The following KCNQ1 variants were observed in gnomAD, a reference collection of about 807,000 sequenced individuals.
The protein encoded by KCNQ1 is potassium voltage-gated channel subfamily Q member 1.
A neutral mutation model predicts 72.4 loss-of-function variants in KCNQ1; 49 were observed. That is an observed-to-expected ratio of 0.68 (90% CI 0.54 to 0.86). The LOEUF (loss-of-function observed/expected upper bound fraction) is 0.86, where lower values mean the gene tolerates loss of function less well. Among genes scored for constraint, KCNQ1 ranks in the 40% least tolerant of loss-of-function variants. KCNQ1 has a pLI of 0.00. For missense variants in KCNQ1, 790 were observed against 945.1 expected, an observed-to-expected ratio of 0.84 and a Z score of 2.15; for synonymous variants, 450 against 412.6, an observed-to-expected ratio of 1.09 and a Z score of -1.10.
At chr11:2,583,617 C>T in intron 7 of KCNQ1, 72 bp downstream of exon 7, 3 of 1,021,982 alleles carry the variant, frequency 2.9e-6, no homozygotes, top group Non-Finnish European at 4.7e-6. Flanking sequence ...GCACGCCCCT[C>T]CCTGTGAGCA....
Position 2,583,445 on chromosome 11 carries a change from C to A in KCNQ1, c.932C>A (p.Thr311Asn). 6.2e-7 allele frequency: 1 copy of A among 1,612,982 alleles called. No individual in the cohort carries two copies. Among genetic ancestry groups the A allele is most frequent in the Non-Finnish European group, 8.5e-7 (1 of 1,179,072 alleles). Reference protein sequence around the residue: ...DALWWGVVTVTTIGYGDKVPQ... With the variant: ...DALWWGVVTVNTIGYGDKVPQ... ...TCCCTCTCCCTGCAGGTCACAGTCACCACCATCGGCTATGGGGACAAGGTG... is the reference window on the plus strand; with the variant it reads ...TCCCTCTCCCTGCAGGTCACAGTCAACACCATCGGCTATGGGGACAAGGTG... Residue 311 changes from threonine (T) to asparagine (N), a missense_variant, in exon 7 of 16, where the codon ACC (threonine) becomes AAC (asparagine). Transcript: ENST00000155840.
In KCNQ1 at chr11:2,538,739, C is replaced by T. The variant is rs1847775730; in HGVS notation, c.477+10721C>T. Among the ~76,000 whole-genome samples, 1 of 149,936 alleles carries T rather than the reference C, an allele frequency of 6.7e-6. No individual in the cohort carries two copies. The highest frequency in any genetic ancestry group is 2.1e-4 in the South Asian group (1 of 4,754). On this transcript the variant is annotated intron_variant, in intron 2 of 15. Coordinates refer to ENST00000155840, the MANE Select transcript of KCNQ1 (RefSeq NM_000218.3). This position sits in a 1 kb window ranked among gnomAD's most constrained non-coding sequence, Gnocchi z 6.7. ...TAACAAAGGCTTCCTCTGTGCAGCC[C>T]ACACACGGGCCTCACGTTATCTTCT...
At chr11:2,630,408 G>T in intron 10 of KCNQ1, 1 of 398,184 alleles carries the variant, frequency 2.5e-6, no homozygotes, top group Non-Finnish European at 4.4e-6. Flanking sequence ...CTTAGTATGA[G>T]GGCAATGCTA....
At chr11:2,793,404 G>GAGGCC (rs1220066618) in intron 15 of KCNQ1, among the ~76,000 whole-genome samples, 22 of 103,738 alleles carry the variant, frequency 2.1e-4, no homozygotes, top group Middle Eastern at 5.0e-3. Context: ...GGGATGGCTT[G>GAGGCC]AGGCCAGGAG....
chr11:2,673,405 C>T lies in KCNQ1; in HGVS notation c.1514+11324C>T. 3 of 398,700 alleles carry T rather than the reference C, an allele frequency of 7.5e-6. No homozygotes were observed. Among genetic ancestry groups the T allele is most frequent in the Non-Finnish European group, 8.8e-6 (2 of 226,090 alleles). The allele number at this position is 398,700 out of a possible 1,614,324, so 24.7% of individuals were successfully genotyped here. On this transcript the variant is annotated intron_variant, in intron 11 of 15. Coordinates refer to ENST00000155840, the MANE Select transcript of KCNQ1 (RefSeq NM_000218.3). The surrounding 1 kb of genome is among the most constrained non-coding windows in gnomAD (Gnocchi z 4.5). ...CCTTGGCCTTTGTTTAGCCCACCTT[C>T]TGCCTAGGCACCAGGCCTGGAGGTT...
chr11:2,615,256 C>T, intron 10 of KCNQ1: 1 of 398,030 alleles, frequency 2.5e-6, no homozygotes, highest in Non-Finnish European at 4.4e-6. Flanking sequence ...TGAACATGTA[C>T]CCTGCAATTT....
intron 11 of KCNQ1, chr11:2,686,021 C>G (rs1850483547): frequency 2.5e-6 from 1 of 399,156 alleles, no homozygotes; most frequent in Non-Finnish European, 4.4e-6. Flanking sequence ...GGGGCTCACT[C>G]TAAGCCCCGC....
At chr11:2,545,491 T>C (rs1000642195) in intron 2 of KCNQ1, among the ~76,000 whole-genome samples, 1 of 152,186 alleles carries the variant, frequency 6.6e-6, no homozygotes, top group African/African-American at 2.4e-5. Flanking sequence ...TTATATTCAG[T>C]TGATTGATAA....
At position 2,479,065 on chromosome 11, in the gene KCNQ1, C is replaced by A. The variant is rs1846615493; in HGVS notation, c.386+33581C>A. On this transcript the variant is annotated intron_variant, in intron 1 of 15. Coordinates refer to ENST00000155840, the MANE Select transcript of KCNQ1 (RefSeq NM_000218.3). The surrounding 1 kb of genome is among the most constrained non-coding windows in gnomAD (Gnocchi z 4.6). ...GTCTCACATCTAGGTCATGCTGATGCAAGAGGTGGGTTCCCATAGTCTTGA... is the reference window on the plus strand; with the variant it reads ...GTCTCACATCTAGGTCATGCTGATGAAAGAGGTGGGTTCCCATAGTCTTGA... 8.0e-6 allele frequency among the ~76,000 whole-genome samples: 1 copy of A among 125,090 alleles called. No individual in the cohort carries two copies. Among genetic ancestry groups the A allele is most frequent in the South Asian group, 3.1e-4 (1 of 3,260 alleles). The allele number at this position is 125,090 out of a possible 152,430, so 82.1% of individuals were successfully genotyped here. A position where few individuals can be genotyped will look rare whatever the true frequency, so the allele number is the denominator to read the frequency against.
rs1846746942 is a variant in KCNQ1, at chr11:2,486,835, C to A, written c.387-41093C>A. 6.6e-6 allele frequency among the ~76,000 whole-genome samples: 1 copy of A among 152,142 alleles called. No individual in the cohort carries two copies. The highest frequency in any genetic ancestry group is 2.4e-5 in the African/African-American group (1 of 41,424). ...AATCATGGGGAATCTGCCCCTATGACCCAAACAGCACCCACCAGGCCCCAC... is the reference window on the plus strand; with the variant it reads ...AATCATGGGGAATCTGCCCCTATGAACCAAACAGCACCCACCAGGCCCCAC... On this transcript the variant is annotated intron_variant, in intron 1 of 15. Transcript: ENST00000155840. The surrounding 1 kb of genome is among the most constrained non-coding windows in gnomAD (Gnocchi z 5.0).
chr11:2,779,059 C>A (rs994762829), intron 15 of KCNQ1, among the ~76,000 whole-genome samples: 1 of 152,264 alleles, frequency 6.6e-6, no homozygotes, highest in Non-Finnish European at 1.5e-5. Context: ...AGGTGCCTGG[C>A]CCCATGGGGC....
intron 11 of KCNQ1, among the ~76,000 whole-genome samples, chr11:2,738,227 C>A (rs773148572): frequency 6.9e-6 from 1 of 145,938 alleles, no homozygotes; most frequent in African/African-American, 2.6e-5. Flanking sequence ...GGGGGCACAG[C>A]GGGTTCCTTA....
Position 2,541,135 on chromosome 11 carries a change from C to T in KCNQ1, c.477+13117C>T, listed in dbSNP as rs892402053. 2.0e-5 allele frequency among the ~76,000 whole-genome samples: 3 copies of T among 152,248 alleles called. No individual in the cohort carries two copies. Among genetic ancestry groups the T allele is most frequent in the African/African-American group, 7.2e-5 (3 of 41,476 alleles). On this transcript the variant is annotated intron_variant, in intron 2 of 15. Transcript: ENST00000155840. This position sits in a 1 kb window ranked among gnomAD's most constrained non-coding sequence, Gnocchi z 4.8. ...CACCCAGCCCTGGACCTCAGGCAGG[C>T]AGGGAGAGAGACCCCCTTGGGGCCG...
intron 1 of KCNQ1, among the ~76,000 whole-genome samples, chr11:2,470,122 G>A (rs560324390): frequency 3.2e-4 from 48 of 152,262 alleles, no homozygotes; most frequent in Middle Eastern, 3.4e-3. Flanking sequence ...CACCACGCCC[G>A]GCTGATTGTT....
At chr11:2,794,413 A>G (rs1847090270) in intron 15 of KCNQ1, among the ~76,000 whole-genome samples, 1 of 152,200 alleles carries the variant, frequency 6.6e-6, no homozygotes, top group African/African-American at 2.4e-5. Flanking sequence ...CCAAAACCCC[A>G]GTGCTTAGAG....
At chr11:2,614,827 A>C (rs1198729008) in intron 10 of KCNQ1, 9 of 398,296 alleles carry the variant, frequency 2.3e-5, no homozygotes, top group Non-Finnish European at 4.0e-5. Flanking sequence ...GGCAGGCCTG[A>C]GTCTTCCAAC....
At position 2,468,015 on chromosome 11, in the gene KCNQ1, C is replaced by A. The variant is rs1846377358; in HGVS notation, c.386+22531C>A. On this transcript the variant is annotated intron_variant, in intron 1 of 15. Transcript: ENST00000155840. This position sits in a 1 kb window ranked among gnomAD's most constrained non-coding sequence, Gnocchi z 5.7. ...GCCATGTGCCTCTGCATTTCCTTTA[C>A]CCCATCTGTAAAATAGGGATAACAG... Among the ~76,000 whole-genome samples the A allele has an allele frequency of 6.6e-6, 1 of 152,258 alleles. No individual in the cohort carries two copies. Among genetic ancestry groups the A allele is most frequent in the South Asian group, 2.1e-4 (1 of 4,838 alleles).
At chr11:2,628,869 A>G (rs946988675) in intron 10 of KCNQ1, 1 of 398,210 alleles carries the variant, frequency 2.5e-6, no homozygotes, top group African/African-American at 2.1e-5. Context: ...TATTCAAGAG[A>G]GTACCCTTTC....
chr11:2,641,394 C>A (rs926075900), intron 10 of KCNQ1: 7 of 383,398 alleles, frequency 1.8e-5, no homozygotes, highest in African/African-American at 8.4e-5. Context: ...TGATGTTGGG[C>A]TTTTTTTTTT....
Sources: allele counts gnomAD v4.1 joint callset (sites outside exome capture counted in the v4.1 genomes callset), GRCh38; gene constraint gnomAD v4.1.1; non-coding constraint Gnocchi (gnomAD v3.1); transcripts MANE v1.5; gene names NCBI Gene and HGNC (gene_info 2026-07-23, HGNC 2026-07-21).